Variants in EPB41 observed in about 807,000 individuals in gnomAD.
The protein encoded by EPB41 is protein 4.1.
EPB41 carries 65 observed loss-of-function variants against 108.0 expected under a neutral mutation model. The observed-to-expected ratio is 0.60, with a 90% CI of 0.49 to 0.74. The LOEUF (loss-of-function observed/expected upper bound fraction) is 0.74, where lower values mean the gene tolerates loss of function less well. Among genes scored for constraint, EPB41 ranks in the 30% least tolerant of loss-of-function variants. The pLI is 0.00. For synonymous variants in EPB41, 336 were observed against 358.9 expected (o/e 0.94, Z 0.72); for missense variants, 875 against 1,037.0 (o/e 0.84, Z 2.15).
intron 17 of EPB41, among the ~76,000 whole-genome samples, chr1:29,106,805 T>C (rs1396170785): frequency 1.3e-5 from 2 of 151,014 alleles, no homozygotes; most frequent in Non-Finnish European, 3.0e-5. Flanking sequence ...ACTCCTGACC[T>C]CGTGATCCGC....
At position 29,060,448 on chromosome 1, in the gene EPB41, A is replaced by G; in HGVS notation, c.1971A>G (p.Glu657=). The part of the protein sequence containing the change: ...RKKKRERLDG[E]NIYIRHSNLM... ...AAAAGAGAGAAAGACTAGATGGTGA[A>G]AACATTTATATCAGACATAGCAATT... Residue 657 remains glutamate, a synonymous_variant, in exon 15 of 21, where the codon GAA becomes GAG. Transcript: ENST00000343067. The G allele has an allele frequency of 6.2e-7, 1 of 1,613,394 alleles. No individual in the cohort carries two copies. Among genetic ancestry groups the G allele is most frequent in the Non-Finnish European group, 8.5e-7 (1 of 1,179,358 alleles).
upstream of EPB41, among the ~76,000 whole-genome samples, chr1:28,914,191 C>T (rs984263442): frequency 6.6e-6 from 1 of 152,208 alleles, no homozygotes; most frequent in Non-Finnish European, 1.5e-5. Flanking sequence ...GCTTCCAAAT[C>T]TCGGCCTCTT....
At chr1:28,989,922 T>C (rs2095967048) in intron 2 of EPB41, among the ~76,000 whole-genome samples, 1 of 152,142 alleles carries the variant, frequency 6.6e-6, no homozygotes, top group Non-Finnish European at 1.5e-5. Flanking sequence ...AAACCATTCA[T>C]ATCTTAATAA....
chr1:29,058,657 T>C lies in EPB41; in HGVS notation c.1902+12T>C. ...GTGACCAAACACAGGTTTGTGCCAA[T>C]AGGCCACTTGTTCCTCTTTCCCTCC... On this transcript the variant is annotated intron_variant, in intron 13 of 20. Transcript: ENST00000343067. 1 of 1,612,508 alleles carries C rather than the reference T, an allele frequency of 6.2e-7. No homozygotes were observed. Among genetic ancestry groups the C allele is most frequent in the Non-Finnish European group, 8.5e-7 (1 of 1,179,116 alleles).
At chr1:28,958,854 G>T (rs1227641587) in intron 1 of EPB41, among the ~76,000 whole-genome samples, 1 of 149,146 alleles carries the variant, frequency 6.7e-6, no homozygotes, top group African/African-American at 2.5e-5. Flanking sequence ...AGAAAAAAGA[G>T]AATAATGAAT....
intron 1 of EPB41, among the ~76,000 whole-genome samples, chr1:28,904,168 C>CTT (rs533536807): frequency 4.5e-5 from 6 of 132,190 alleles, no homozygotes; most frequent in African/African-American, 1.1e-4. Flanking sequence ...CCCGGCCCAG[C>CTT]TTTTTTTTTT....
chr1:29,036,716 G>A lies in EPB41; in HGVS notation c.1463+793G>A, dbSNP rs149562976. Among the ~76,000 whole-genome samples the A allele has an allele frequency of 7.3e-3, 1,053 of 144,096 alleles. 13 individuals carry two copies. The highest frequency in any genetic ancestry group is 0.026 in the African/African-American group (1,017 of 38,538). The allele number at this position is 144,096 out of a possible 152,430, so 94.5% of individuals were successfully genotyped here. ...TTTCGAGACAGAGTCTCGCTCTGTC[G>A]CCCAGGCTGGAGTGCAGTGGCGGAT... On this transcript the variant is annotated intron_variant, in intron 10 of 20. Coordinates refer to ENST00000343067, the MANE Select transcript of EPB41 (RefSeq NM_001376013.1).
intron 7 of EPB41, among the ~76,000 whole-genome samples, chr1:29,027,778 T>G (rs768053013): frequency 5.3e-5 from 8 of 152,200 alleles, no homozygotes; most frequent in Non-Finnish European, 1.0e-4. Flanking sequence ...TCAGCCAAAC[T>G]TCAAATATAA....
At chr1:28,996,713 C>G (rs1178986688) in intron 3 of EPB41, among the ~76,000 whole-genome samples, 1 of 152,124 alleles carries the variant, frequency 6.6e-6, no homozygotes, top group Admixed American at 6.6e-5. Flanking sequence ...AATTGAAGAA[C>G]AGGAATTTTA....
intron 16 of EPB41, among the ~76,000 whole-genome samples, chr1:29,077,783 A>AT (rs1654711971): frequency 6.6e-6 from 1 of 152,258 alleles, no homozygotes; most frequent in African/African-American, 2.4e-5. Context: ...TAACACATAA[A>AT]ATGAATGTGA....
chr1:28,912,327 A>T (rs1461989680), upstream of EPB41, among the ~76,000 whole-genome samples: 7 of 152,198 alleles, frequency 4.6e-5, no homozygotes, highest in Non-Finnish European at 1.0e-4. Context: ...GCTATGAAGC[A>T]AATTAAAGCA....
chr1:29,082,110 T>C (rs1656924795), intron 16 of EPB41, among the ~76,000 whole-genome samples: 1 of 152,160 alleles, frequency 6.6e-6, no homozygotes, highest in Non-Finnish European at 1.5e-5. Context: ...GGTAACTATT[T>C]CTTGGGTTTT....
At chr1:28,918,879 A>G (rs1327173882) in intron 1 of EPB41, among the ~76,000 whole-genome samples, 1 of 152,244 alleles carries the variant, frequency 6.6e-6, no homozygotes, top group Non-Finnish European at 1.5e-5. Flanking sequence ...TTGGTATGTC[A>G]CTGGTGGCTT....
Position 29,018,265 on chromosome 1 carries a change from G to C in EPB41, c.947G>C (p.Gly316Ala), listed in dbSNP as rs1382345019. 1.9e-6 allele frequency: 3 copies of C among 1,613,946 alleles called. No homozygotes were observed. The African/African-American group carries it at 4.0e-5, about 22-fold the overall frequency. Reference protein sequence around the residue: ...CLQLRQDIVAGRLPCSFATLA... With the variant: ...CLQLRQDIVAARLPCSFATLA... ...CAGCTTCGGCAGGACATAGTTGCAG[G>C]ACGTCTGCCCTGTTCCTTTGCAACC... The change falls in exon 7 of 21, where the codon GGA (glycine) becomes GCA (alanine). Residue 316 changes from glycine (G) to alanine (A), a missense_variant. Gly to Ala is a moderately conservative substitution (Grantham distance 60). Transcript: ENST00000343067. The surrounding 1 kb of genome is among the most constrained non-coding windows in gnomAD (Gnocchi z 4.4).
chr1:28,946,584 T>A (rs1447582329), intron 1 of EPB41, among the ~76,000 whole-genome samples: 3 of 152,204 alleles, frequency 2.0e-5, no homozygotes, highest in African/African-American at 4.8e-5. Flanking sequence ...GTAGAAAAAA[T>A]TTTAGGATTT....
chr1:29,034,973 GT>G (rs10580931), intron 9 of EPB41, among the ~76,000 whole-genome samples: 8,186 of 87,092 alleles, frequency 0.094, 121 homozygotes, highest in East Asian at 0.28. Flanking sequence ...TTTGTTTGTT[GT>G]TTTTTTTTTT....
At chr1:29,088,684 T>C (rs1393482029) in intron 16 of EPB41, among the ~76,000 whole-genome samples, 1 of 152,208 alleles carries the variant, frequency 6.6e-6, no homozygotes, top group Non-Finnish European at 1.5e-5. Flanking sequence ...GTCTTCTGGC[T>C]TCTCAGCCTT....
At chr1:29,069,066 A>T in intron 16 of EPB41, 1 of 930,458 alleles carries the variant, frequency 1.1e-6, no homozygotes, top group Non-Finnish European at 1.4e-6. Context: ...ATTATACCCT[A>T]TTCTTTTTAT....
At chr1:28,945,077 T>C (rs541402762) in intron 1 of EPB41, among the ~76,000 whole-genome samples, 2 of 146,738 alleles carry the variant, frequency 1.4e-5, no homozygotes, top group South Asian at 4.3e-4. Flanking sequence ...CAGAGTGAGA[T>C]CGTGTCTCAA....
Sources: allele counts gnomAD v4.1 joint callset (sites outside exome capture counted in the v4.1 genomes callset), GRCh38; gene constraint gnomAD v4.1.1; non-coding constraint Gnocchi (gnomAD v3.1); transcripts MANE v1.5; gene names NCBI Gene and HGNC (gene_info 2026-07-23, HGNC 2026-07-21).